GRIK4: variants seen among roughly 807,000 people sequenced by gnomAD.
GRIK4 encodes the protein glutamate receptor ionotropic, kainate 4.
A neutral mutation model predicts 104.9 loss-of-function variants in GRIK4; 40 were observed. The observed-to-expected ratio is 0.38, with a 90% CI of 0.30 to 0.50. GRIK4 has a LOEUF of 0.50. Ranked by LOEUF, GRIK4 falls within the 20% of genes least tolerant of loss-of-function variation. GRIK4 has a pLI of 0.93. For missense variants in GRIK4, 1,047 were observed against 1,308.1 expected (o/e 0.80, Z 3.08); for synonymous variants, 485 against 524.9 (o/e 0.92, Z 1.04).
intron 1 of GRIK4, among the ~76,000 whole-genome samples, chr11:120,590,066 C>T (rs1314960407): frequency 6.6e-6 from 1 of 152,212 alleles, no homozygotes; most frequent in African/African-American, 2.4e-5. Context: ...AGGTCTGGAG[C>T]TGGGAAGGAG....
In GRIK4 at chr11:120,908,953, C is replaced by T. The variant is rs1169144180; in HGVS notation, c.1476+3460C>T. Among the ~76,000 whole-genome samples the T allele has an allele frequency of 3.3e-5, 5 of 152,220 alleles. No homozygotes were observed. In the East Asian group the frequency reaches 5.8e-4, roughly 18 times the overall value. ...TGAGAGCTGTGACCCTCTCCTTGCC[C>T]GCAGCCTTGCCTGCAGCTGGATGCA... On this transcript the variant is annotated intron_variant, in intron 13 of 20. Transcript: ENST00000527524.
intron 7 of GRIK4, among the ~76,000 whole-genome samples, chr11:120,832,696 G>T (rs1165691359): frequency 2.6e-5 from 4 of 152,160 alleles, no homozygotes; most frequent in Non-Finnish European, 4.4e-5. Context: ...GGAGTTGGAG[G>T]GGCAGTGCCA....
chr11:120,707,531 T>G (rs928139023), intron 3 of GRIK4, among the ~76,000 whole-genome samples: 7 of 152,200 alleles, frequency 4.6e-5, no homozygotes, highest in Non-Finnish European at 1.0e-4. Context: ...GAGGCTGGAC[T>G]CCCAGGGCCT....
At chr11:120,577,050 G>A (rs749746844) in intron 1 of GRIK4, among the ~76,000 whole-genome samples, 38 of 152,294 alleles carry the variant, frequency 2.5e-4, no homozygotes, top group Non-Finnish European at 5.1e-4. Flanking sequence ...GAAATATTGC[G>A]CTTTAGCTGG....
At position 120,783,982 on chromosome 11, in the gene GRIK4, A is replaced by T. The variant is rs576132535; in HGVS notation, c.83-18711A>T. Among the ~76,000 whole-genome samples the T allele has an allele frequency of 2.6e-5, 4 of 152,296 alleles. No individual in the cohort carries two copies. The East Asian group carries it at 5.8e-4, about 22-fold the overall frequency. On this transcript the variant is annotated intron_variant, in intron 3 of 20. Coordinates refer to ENST00000527524, the MANE Select transcript of GRIK4 (RefSeq NM_014619.5). ...AGTGTGTTACGGAGGTCCCAGCCTC[A>T]GGGAGGCTGAGGGGACAGGGAGCGA... is the stretch of plus-strand genomic sequence containing the variant.
At chr11:120,813,807 G>T (rs1239394865) in intron 4 of GRIK4, among the ~76,000 whole-genome samples, 1 of 152,130 alleles carries the variant, frequency 6.6e-6, no homozygotes, top group Non-Finnish European at 1.5e-5. Flanking sequence ...AAATTGCTCT[G>T]CCTGACTCCT....
intron 3 of GRIK4, among the ~76,000 whole-genome samples, chr11:120,754,687 C>T (rs1951622069): frequency 6.6e-6 from 1 of 151,968 alleles, no homozygotes; most frequent in South Asian, 2.1e-4. Context: ...AAGTGGCTGC[C>T]CCGTTTTACA....
chr11:120,714,928 C>T (rs904501914), intron 3 of GRIK4, among the ~76,000 whole-genome samples: 1 of 152,128 alleles, frequency 6.6e-6, no homozygotes, highest in African/African-American at 2.4e-5. Flanking sequence ...CAAGGAGGGA[C>T]ATGATCAGAT....
In GRIK4 at chr11:120,782,660, A is replaced by AG. The variant is rs143780285; in HGVS notation, c.83-20030dup. Among the ~76,000 whole-genome samples the AG allele has an allele frequency of 2.4e-3, 358 of 152,268 alleles. 1 individual carries two copies. Among genetic ancestry groups the AG allele is most frequent in the African/African-American group, 8.1e-3 (338 of 41,544 alleles). On this transcript the variant is annotated intron_variant, in intron 3 of 20. Coordinates refer to ENST00000527524, the MANE Select transcript of GRIK4 (RefSeq NM_014619.5). ...CTGAATAGTGAAGCAGCCCCGTCAA[A>AG]GGGTGCCTTCTGTGGAGATTCCTCC... is the stretch of plus-strand genomic sequence containing the variant.
chr11:120,895,048 C>T (rs1260764561), intron 11 of GRIK4, among the ~76,000 whole-genome samples: 2 of 152,200 alleles, frequency 1.3e-5, no homozygotes, highest in Non-Finnish European at 1.5e-5. Flanking sequence ...GTCTCTTTGC[C>T]GTGTCCCCAG....
At chr11:120,968,069 C>T (rs1489548414) in intron 19 of GRIK4, among the ~76,000 whole-genome samples, 1 of 152,190 alleles carries the variant, frequency 6.6e-6, no homozygotes, top group East Asian at 1.9e-4. Flanking sequence ...TAGGGTTGGT[C>T]ATCACAGGGC....
chr11:120,581,185 T>C (rs777561648), intron 1 of GRIK4, among the ~76,000 whole-genome samples: 1 of 152,224 alleles, frequency 6.6e-6, no homozygotes, highest in Non-Finnish European at 1.5e-5. Flanking sequence ...GATTTGCAAA[T>C]AATTTCTCCC....
chr11:120,621,778 G>A (rs559732644), intron 1 of GRIK4, among the ~76,000 whole-genome samples: 52 of 152,142 alleles, frequency 3.4e-4, no homozygotes, highest in Non-Finnish European at 6.5e-4. Context: ...TTGACATACT[G>A]TCATCCGTAG....
chr11:120,923,969 G>A (rs1029912731), intron 13 of GRIK4, among the ~76,000 whole-genome samples: 1 of 152,084 alleles, frequency 6.6e-6, no homozygotes, highest in Non-Finnish European at 1.5e-5. Flanking sequence ...CTCTCCCCTG[G>A]GCTTTAGGAC....
chr11:120,815,464 G>A lies in GRIK4; in HGVS notation c.334G>A (p.Gly112Arg), dbSNP rs1417287049. 1 of 1,542,298 alleles carries A rather than the reference G, an allele frequency of 6.5e-7. No homozygotes were observed. The highest frequency in any genetic ancestry group is 1.2e-5 in the South Asian group (1 of 82,984). ...ASSSIISNIC[G>R]EKEVPHFKVA... ...CAGCTCCATCATCAGCAACATCTGT[G>A]GAGAGAAGGAGGTGAGTGTGAGGCA... is the stretch of plus-strand genomic sequence containing the variant. Residue 112 changes from glycine (G) to arginine (R), a missense_variant, in exon 5 of 21, where the codon GGA becomes AGA. Physicochemically the swap from Gly to Arg is moderately radical, Grantham distance 125. This residue lies in a region of GRIK4 where 447 missense variants were observed against 514.9 expected (regional missense o/e 0.87). Coordinates refer to ENST00000527524, the MANE Select transcript of GRIK4 (RefSeq NM_014619.5).
chr11:120,900,630 A>T (rs1243984807), intron 12 of GRIK4, among the ~76,000 whole-genome samples: 1 of 152,150 alleles, frequency 6.6e-6, no homozygotes, highest in Non-Finnish European at 1.5e-5. Context: ...AGGGTTGGTG[A>T]TGTTGATACC....
At chr11:120,723,765 C>T (rs1182367130) in intron 3 of GRIK4, among the ~76,000 whole-genome samples, 1 of 151,438 alleles carries the variant, frequency 6.6e-6, no homozygotes, top group Non-Finnish European at 1.5e-5. Flanking sequence ...CGCTCCAAAC[C>T]AGTGGTTCTT....
intron 3 of GRIK4, among the ~76,000 whole-genome samples, chr11:120,663,058 T>C (rs1949846322): frequency 6.6e-6 from 1 of 152,156 alleles, no homozygotes; most frequent in African/African-American, 2.4e-5. Context: ...CTGCATAAAT[T>C]CCCCAAACTC....
chr11:120,667,709 C>T (rs1048669884), intron 3 of GRIK4, among the ~76,000 whole-genome samples: 1 of 152,178 alleles, frequency 6.6e-6, no homozygotes, highest in Non-Finnish European at 1.5e-5. Context: ...CTGGGCAGCT[C>T]GTGGTGGACC....
Sources: allele counts gnomAD v4.1 joint callset (sites outside exome capture counted in the v4.1 genomes callset), GRCh38; gene constraint gnomAD v4.1.1; regional missense constraint gnomAD v4.1.1; transcripts MANE v1.5; gene names NCBI Gene and HGNC (gene_info 2026-07-23, HGNC 2026-07-21).